The following PLLP variants were observed in gnomAD, a reference collection of about 807,000 sequenced individuals.
PLLP encodes plasmolipin.
PLLP carries 15 observed loss-of-function variants against 19.7 expected under a neutral mutation model. The ratio of observed to expected loss-of-function variants is 0.76; its 90% CI spans 0.51 to 1.17. The LOEUF (loss-of-function observed/expected upper bound fraction) is 1.17. Among genes scored for constraint, PLLP ranks in the 50% most tolerant of loss-of-function variants. PLLP has a pLI of 0.00. For synonymous variants in PLLP, 111 were observed against 116.3 expected, an observed-to-expected ratio of 0.95 and a Z score of 0.29; for missense variants, 255 against 258.3, an observed-to-expected ratio of 0.99 and a Z score of 0.09.
chr16:57,279,678 G>GAA (rs141312419), intron 1 of PLLP, among the ~76,000 whole-genome samples: 1 of 142,412 alleles, frequency 7.0e-6, no homozygotes, highest in Non-Finnish European at 1.5e-5. Flanking sequence ...TTGTCTCGAG[G>GAA]AAAAAAAAAA....
intron 1 of PLLP, among the ~76,000 whole-genome samples, chr16:57,272,862 C>T (rs910732620): frequency 2.0e-5 from 3 of 152,088 alleles, no homozygotes; most frequent in Admixed American, 6.6e-5. Context: ...GAGGCTGAGG[C>T]GGGAGGATCA....
At chr16:57,264,024 C>T (rs1342614477) in intron 1 of PLLP, among the ~76,000 whole-genome samples, 1 of 152,190 alleles carries the variant, frequency 6.6e-6, no homozygotes, top group Non-Finnish European at 1.5e-5. Flanking sequence ...GTCCTGGCTG[C>T]TCCCAGCAGC....
At chr16:57,271,543 G>T (rs1282974274) in intron 1 of PLLP, among the ~76,000 whole-genome samples, 1 of 152,008 alleles carries the variant, frequency 6.6e-6, no homozygotes, top group Non-Finnish European at 1.5e-5. Flanking sequence ...TACTCGGGAG[G>T]CTGAGGCAAG....
At chr16:57,273,644 C>A (rs1442804637) in intron 1 of PLLP, among the ~76,000 whole-genome samples, 1 of 152,230 alleles carries the variant, frequency 6.6e-6, no homozygotes, top group African/African-American at 2.4e-5. Flanking sequence ...CCTGGGCAAA[C>A]AACAGCCATG....
chr16:57,278,914 G>A (rs369317063), intron 1 of PLLP, among the ~76,000 whole-genome samples: 110 of 152,248 alleles, frequency 7.2e-4, no homozygotes, highest in South Asian at 1.2e-3. Context: ...TCCTGGGGCC[G>A]GAGACAGAGC....
chr16:57,260,169 G>A (rs1273903722), intron 2 of PLLP, among the ~76,000 whole-genome samples: 1 of 152,098 alleles, frequency 6.6e-6, no homozygotes, highest in Non-Finnish European at 1.5e-5. Flanking sequence ...TAGCCCCCAT[G>A]CCAGAAAATC....
chr16:57,258,597 G>A lies in PLLP; in HGVS notation c.310-13C>T, dbSNP rs771057897. 7 of 1,612,108 alleles carry A rather than the reference G, an allele frequency of 4.3e-6. No homozygotes were observed. Among genetic ancestry groups the A allele is most frequent in the Non-Finnish European group, 5.9e-6 (7 of 1,179,762 alleles). ...TAAAGATCATTAACTGCAGGACATGGGGGTAGGGAGTGGGGAGAGAAAAGG... is the reference window on the plus strand; with the variant it reads ...TAAAGATCATTAACTGCAGGACATGAGGGTAGGGAGTGGGGAGAGAAAAGG... On this transcript the variant is annotated splice_polypyrimidine_tract_variant and intron_variant, in intron 2 of 3. Coordinates refer to ENST00000219207, the MANE Select transcript of PLLP (RefSeq NM_015993.3).
chr16:57,284,012 G>C (rs541906665), intron 1 of PLLP, among the ~76,000 whole-genome samples: 1 of 152,118 alleles, frequency 6.6e-6, no homozygotes, highest in African/African-American at 2.4e-5. Flanking sequence ...CAGAAAGAGG[G>C]GTGAAAAAGA....
chr16:57,283,216 C>A (rs1484582227), intron 1 of PLLP, among the ~76,000 whole-genome samples: 1 of 152,048 alleles, frequency 6.6e-6, no homozygotes. Context: ...GGGGTGGAGT[C>A]CAATAATCTA....
intron 1 of PLLP, among the ~76,000 whole-genome samples, chr16:57,262,860 A>T (rs1298437969): frequency 6.6e-6 from 1 of 151,500 alleles, no homozygotes; most frequent in African/African-American, 2.4e-5. Context: ...GCTCCAGGAC[A>T]CCCCCACGCC....
chr16:57,269,244 T>C (rs7192474), intron 1 of PLLP, among the ~76,000 whole-genome samples: 76,556 of 152,078 alleles, frequency 0.5, 19,544 homozygotes, highest in South Asian at 0.73. Context: ...GGGAGGGGTT[T>C]GACCAACCCT....
intron 1 of PLLP, among the ~76,000 whole-genome samples, chr16:57,266,127 G>A (rs1391933670): frequency 2.0e-5 from 3 of 152,174 alleles, no homozygotes; most frequent in Non-Finnish European, 4.4e-5. Context: ...TGTAAAAAAT[G>A]AGGACACTTC....
Position 57,284,647 on chromosome 16 carries a change from T to A in PLLP, c.-107A>T. ...TTCCCCCAGGCTCCGGATCCCTGTG[T>A]GGCTCCAGGCGCTGCAGGAGGCGTC... On this transcript the variant is annotated 5_prime_UTR_variant, in exon 1 of 4. Transcript: ENST00000219207. 1 of 1,116,290 alleles carries A rather than the reference T, an allele frequency of 9.0e-7. No individual in the cohort carries two copies. The highest frequency in any genetic ancestry group is 1.1e-6 in the Non-Finnish European group (1 of 874,200). 69.1% of individuals were successfully genotyped at this position (1,116,290 alleles called of 1,614,324 possible).
intron 3 of PLLP, 119 bp downstream of exon 3, chr16:57,258,343 G>C (rs1420958210): frequency 1.0e-6 from 1 of 972,136 alleles, no homozygotes; most frequent in Non-Finnish European, 1.5e-6. Flanking sequence ...GACCCACTGA[G>C]TGTTCAGGTG....
intron 1 of PLLP, among the ~76,000 whole-genome samples, chr16:57,264,744 G>A (rs1198817319): frequency 1.3e-5 from 2 of 152,218 alleles, no homozygotes; most frequent in Non-Finnish European, 2.9e-5. Flanking sequence ...AGCTACTTGG[G>A]AGGCTGAGTG....
intron 1 of PLLP, chr16:57,263,409 T>G (rs952796371): frequency 7.2e-5 from 11 of 152,274 alleles, no homozygotes; most frequent in South Asian, 4.1e-4. Flanking sequence ...CGTGGGCAAG[T>G]GTATAACCAC....
intron 1 of PLLP, among the ~76,000 whole-genome samples, chr16:57,273,584 GC>G (rs1175764857): frequency 6.6e-6 from 1 of 152,208 alleles, no homozygotes; most frequent in Non-Finnish European, 1.5e-5. Context: ...CCACTGGGCT[GC>G]CAAGAAAGAC....
At chr16:57,259,322 C>G (rs1040973893) in intron 2 of PLLP, among the ~76,000 whole-genome samples, 1 of 152,246 alleles carries the variant, frequency 6.6e-6, no homozygotes, top group Non-Finnish European at 1.5e-5. Flanking sequence ...CAAGGTTTGG[C>G]TCTGTGGCCA....
Position 57,261,886 on chromosome 16 carries a change from C to T in PLLP, c.309+11G>A. ...GTCATAGCCACTTCCAGTACCCCCA[C>T]CCAGACTCACCACCAGTGGCCAGGG... is the stretch of plus-strand genomic sequence containing the variant. On this transcript the variant is annotated intron_variant, in intron 2 of 3. Transcript: ENST00000219207. The T allele has an allele frequency of 6.2e-7, 1 of 1,613,394 alleles. No individual in the cohort carries two copies. The highest frequency in any genetic ancestry group is 8.5e-7 in the Non-Finnish European group (1 of 1,179,338).
Sources: gnomAD v4.1 joint callset for allele counts (sites outside exome capture counted in the v4.1 genomes callset) on GRCh38, gnomAD v4.1.1 for gene constraint, MANE v1.5 for transcripts, NCBI Gene and HGNC (gene_info 2026-07-23, HGNC 2026-07-21) for gene names.